Variants in EPHB3 observed in about 807,000 individuals in gnomAD.
EPHB3 encodes the protein ephrin type-B receptor 3.
A neutral mutation model predicts 100.2 loss-of-function variants in EPHB3; 33 were observed. The observed-to-expected ratio is 0.33, with a 90% CI of 0.25 to 0.44. EPHB3 has a LOEUF of 0.44. Among genes scored for constraint, EPHB3 ranks in the 20% least tolerant of loss-of-function variants. EPHB3 has a pLI of 1.00. For missense variants in EPHB3, 1,045 were observed against 1,378.3 expected (o/e 0.76, Z 3.83); for synonymous variants, 526 against 554.7 (o/e 0.95, Z 0.73).
Position 184,573,267 on chromosome 3 carries a change from G to GT in EPHB3, c.856+91_856+92insT, listed in dbSNP as rs376325299. 4.6e-6 allele frequency: 7 copies of GT among 1,526,830 alleles called. No homozygotes were observed. The highest frequency in any genetic ancestry group is 6.2e-6 in the Non-Finnish European group (7 of 1,131,056). 94.6% of individuals were successfully genotyped at this position (1,526,830 alleles called of 1,614,324 possible). A position where few individuals can be genotyped will look rare whatever the true frequency, so the allele number is the denominator to read the frequency against. On this transcript the variant is annotated intron_variant, in intron 3 of 15. Transcript: ENST00000330394. The surrounding 1 kb of genome is among the most constrained non-coding windows in gnomAD (Gnocchi z 4.5). ...CGCCCCCCACCCCTGCTTGCTATCT[G>GT]ACTAGGAGGTCTGGGAGCAGGTCCA...
chr3:184,579,384 C>T lies in EPHB3; in HGVS notation c.1802-93C>T. 6.4e-7 allele frequency: 1 copy of T among 1,553,166 alleles called. No homozygotes were observed. The highest frequency in any genetic ancestry group is 1.2e-5 in the South Asian group (1 of 81,656). On this transcript the variant is annotated intron_variant, in intron 9 of 15. Coordinates refer to ENST00000330394, the MANE Select transcript of EPHB3 (RefSeq NM_004443.4). This position sits in a 1 kb window ranked among gnomAD's most constrained non-coding sequence, Gnocchi z 5.2. ...GGCAGCAACACAGAGGAATATGGGG[C>T]TGGGCTCAGCAGGGAGCCTGCTGGA...
At position 184,578,181 on chromosome 3, in the gene EPHB3, C is replaced by T. The variant is rs1714729633; in HGVS notation, c.1748+175C>T. 1.1e-6 allele frequency: 1 copy of T among 870,010 alleles called. No individual in the cohort carries two copies. Among genetic ancestry groups the T allele is most frequent in the East Asian group, 2.7e-5 (1 of 37,468 alleles). 53.9% of individuals were successfully genotyped at this position (870,010 alleles called of 1,614,324 possible). A position where few individuals can be genotyped will look rare whatever the true frequency, so the allele number is the denominator to read the frequency against. On this transcript the variant is annotated intron_variant, in intron 8 of 15. Transcript: ENST00000330394. This position sits in a 1 kb window ranked among gnomAD's most constrained non-coding sequence, Gnocchi z 4.7. ...CTCCCATCCCTGCCTGTGTCTTCAT[C>T]CCGCCCTTTCTCCATACCCCATTCC...
Position 184,571,486 on chromosome 3 carries a change from C to T in EPHB3, c.183+104C>T. 2.7e-6 allele frequency: 3 copies of T among 1,128,630 alleles called. No individual in the cohort carries two copies. The highest frequency in any genetic ancestry group is 4.0e-6 in the Non-Finnish European group (3 of 758,872). The allele number at this position is 1,128,630 out of a possible 1,614,324, so 69.9% of individuals were successfully genotyped here. A position where few individuals can be genotyped will look rare whatever the true frequency, so the allele number is the denominator to read the frequency against. ...CTCACCAGGGCCTGGAGGAGGGCTG[C>T]CTCTGCCCTCTGCCTGTCACCCTCA... On this transcript the variant is annotated intron_variant, in intron 2 of 15. Coordinates refer to ENST00000330394, the MANE Select transcript of EPHB3 (RefSeq NM_004443.4). The surrounding 1 kb of genome is among the most constrained non-coding windows in gnomAD (Gnocchi z 5.0).
intron 12 of EPHB3, 34 bp downstream of exon 12, chr3:184,580,651 G>A (rs1413549642): frequency 8.7e-6 from 14 of 1,609,886 alleles, no homozygotes; most frequent in Admixed American, 3.3e-5. Flanking sequence ...GACTGGGGGC[G>A]GGGCCTATCA....
At position 184,573,716 on chromosome 3, in the gene EPHB3, C is replaced by CTTTT. The variant is rs67295730; in HGVS notation, c.856+555_856+558dup. On this transcript the variant is annotated intron_variant, in intron 3 of 15. Transcript: ENST00000330394. This position sits in a 1 kb window ranked among gnomAD's most constrained non-coding sequence, Gnocchi z 4.5. ...CACTTACGTGACCTTGGGCAAGTTA[C>CTTTT]TTTTTTTTTTTTTTTTTTGAGATGG... Among the ~76,000 whole-genome samples the CTTTT allele has an allele frequency of 2.9e-5, 4 of 138,578 alleles. No homozygotes were observed. Among genetic ancestry groups the CTTTT allele is most frequent in the Admixed American group, 7.3e-5 (1 of 13,782 alleles). The allele number at this position is 138,578 out of a possible 152,430, so 90.9% of individuals were successfully genotyped here.
chr3:184,572,997 T>G lies in EPHB3; in HGVS notation c.677T>G (p.Leu226Arg), dbSNP rs776024993. Residue 226 changes from leucine (L) to arginine (R), a missense_variant, in exon 3 of 16, where the codon CTC (leucine) becomes CGC (arginine). Physicochemically the swap from Leu to Arg is moderately radical, Grantham distance 102. Around this residue, in one of 2 missense-constraint regions of EPHB3, gnomAD observed 985 missense variants for 1,331.1 expected, o/e 0.74. Coordinates refer to ENST00000330394, the MANE Select transcript of EPHB3 (RefSeq NM_004443.4). This position sits in a 1 kb window ranked among gnomAD's most constrained non-coding sequence, Gnocchi z 6.6. ...GGCTTCGCACTCTTCCCCGAGACCCTCACTGGGGCGGAGCCCACCTCGCTG... is the reference window on the plus strand; with the variant it reads ...GGCTTCGCACTCTTCCCCGAGACCCGCACTGGGGCGGAGCCCACCTCGCTG... Reference protein sequence around the residue: ...TAGFALFPETLTGAEPTSLVI... With the variant: ...TAGFALFPETRTGAEPTSLVI... 4 of 1,610,430 alleles carry G rather than the reference T, an allele frequency of 2.5e-6. No individual in the cohort carries two copies. In the South Asian group the frequency reaches 4.4e-5, roughly 18 times the overall value.
At position 184,579,427 on chromosome 3, in the gene EPHB3, G is replaced by A. The variant is rs973805355; in HGVS notation, c.1802-50G>A. On this transcript the variant is annotated intron_variant, in intron 9 of 15. Transcript: ENST00000330394. The surrounding 1 kb of genome is among the most constrained non-coding windows in gnomAD (Gnocchi z 5.2). ...CTGCTGGAGCTGTGCCCATCGCAGGGAGAGGCTGGCTTGACGTTACCCTCT... is the reference window on the plus strand; with the variant it reads ...CTGCTGGAGCTGTGCCCATCGCAGGAAGAGGCTGGCTTGACGTTACCCTCT... 2 of 1,598,120 alleles carry A rather than the reference G, an allele frequency of 1.3e-6. No homozygotes were observed. The highest frequency in any genetic ancestry group is 2.2e-5 in the East Asian group (1 of 44,488).
chr3:184,579,964 C>G lies in EPHB3; in HGVS notation c.2172+30C>G. 1 of 1,599,966 alleles carries G rather than the reference C, an allele frequency of 6.3e-7. No homozygotes were observed. Among genetic ancestry groups the G allele is most frequent in the African/African-American group, 1.3e-5 (1 of 74,626 alleles). On this transcript the variant is annotated intron_variant, in intron 11 of 15. Transcript: ENST00000330394. The surrounding 1 kb of genome is among the most constrained non-coding windows in gnomAD (Gnocchi z 5.2). ...GAGCCAGCCCCCAGGCCCTCTCCCT[C>G]CCCCAGAGAGTTGGATTGGGCTCAC...
chr3:184,581,255 T>G lies in EPHB3; in HGVS notation c.2735T>G (p.Met912Arg). The change falls in exon 15 of 16, where the codon ATG (methionine) becomes AGG (arginine). Residue 912 changes from methionine to arginine, a missense_variant and splice_region_variant. By Grantham distance (91) the Met-to-Arg change is moderately conservative (BLOSUM62 -1). This residue lies in a region of EPHB3 where 985 missense variants were observed against 1,331.1 expected (regional missense o/e 0.74). Transcript: ENST00000330394. ...LKVIASAQSG[M>R]SQPLLDRTVP... ...AGGTCCTTCTCTTCTTCCCACAGCA[T>G]GTCACAGCCCCTCCTGGACCGCACG... is the stretch of plus-strand genomic sequence containing the variant. The G allele has an allele frequency of 6.3e-7, 1 of 1,596,578 alleles. No homozygotes were observed. The highest frequency in any genetic ancestry group is 8.5e-7 in the Non-Finnish European group (1 of 1,169,878).
chr3:184,579,956 C>T lies in EPHB3; in HGVS notation c.2172+22C>T, dbSNP rs1278732010. The T allele has an allele frequency of 3.7e-6, 6 of 1,605,500 alleles. No individual in the cohort carries two copies. The highest frequency in any genetic ancestry group is 1.7e-5 in the Admixed American group (1 of 59,322). ...CCGGGTAAGAGCCAGCCCCCAGGCC[C>T]TCTCCCTCCCCCAGAGAGTTGGATT... On this transcript the variant is annotated intron_variant, in intron 11 of 15. Coordinates refer to ENST00000330394, the MANE Select transcript of EPHB3 (RefSeq NM_004443.4). This position sits in a 1 kb window ranked among gnomAD's most constrained non-coding sequence, Gnocchi z 5.2.
Position 184,578,605 on chromosome 3 carries a change from C to A in EPHB3, c.1801+139C>A. On this transcript the variant is annotated intron_variant, in intron 9 of 15. Transcript: ENST00000330394. The surrounding 1 kb of genome is among the most constrained non-coding windows in gnomAD (Gnocchi z 4.7). The stretch of plus-strand genomic sequence containing the variant: ...TCCCACTTCCAGTCAAGTGGCATTT[C>A]CTGACCCCTATCTCACTCCGGGTAC... The A allele has an allele frequency of 8.9e-7, 1 of 1,127,674 alleles. No homozygotes were observed. Among genetic ancestry groups the A allele is most frequent in the Non-Finnish European group, 1.3e-6 (1 of 782,650 alleles). The allele number at this position is 1,127,674 out of a possible 1,614,324, so 69.9% of individuals were successfully genotyped here.
In EPHB3 at chr3:184,573,682, G is replaced by A. The variant is rs1414939974; in HGVS notation, c.856+506G>A. 1.3e-5 allele frequency among the ~76,000 whole-genome samples: 2 copies of A among 150,996 alleles called. No individual in the cohort carries two copies. Among genetic ancestry groups the A allele is most frequent in the Non-Finnish European group, 2.9e-5 (2 of 67,896 alleles). ...GTCCCTGAAGTTGAGTCCTGACTCT[G>A]TCACTTACCACTTACGTGACCTTGG... On this transcript the variant is annotated intron_variant, in intron 3 of 15. Transcript: ENST00000330394. This position sits in a 1 kb window ranked among gnomAD's most constrained non-coding sequence, Gnocchi z 4.5.
chr3:184,576,703 T>G, intron 4 of EPHB3, 139 bp from the exon 5 acceptor site: 1 of 780,806 alleles, frequency 1.3e-6, no homozygotes, highest in Admixed American at 3.4e-5. Context: ...GGTGAAGAAA[T>G]GTAGGAACGT....
rs556097482 is a variant in EPHB3 at position 184,563,986 on chromosome 3, C to T, written c.118+1633C>T. Reference sequence around the variant, plus strand: ...GGTGCACAGGGGCTACCTGAGGAGGCTCACTTCTCCCTCCCCCCTTCCCTT... The same window carrying T: ...GGTGCACAGGGGCTACCTGAGGAGGTTCACTTCTCCCTCCCCCCTTCCCTT... On this transcript the variant is annotated intron_variant, in intron 1 of 15. Transcript: ENST00000330394. The surrounding 1 kb of genome is among the most constrained non-coding windows in gnomAD (Gnocchi z 4.1). Among the ~76,000 whole-genome samples the T allele has an allele frequency of 6.6e-6, 1 of 152,260 alleles. No individual in the cohort carries two copies. Among genetic ancestry groups the T allele is most frequent in the African/African-American group, 2.4e-5 (1 of 41,552 alleles).
chr3:184,577,150 T>G lies in EPHB3; in HGVS notation c.1321T>G (p.Tyr441Asp). ...GGGCAAGAGCCCTCTGCCGCCTCGT[T>G]ATGCGGCCGTGAATATCACCACAAA... ...VSGKSPLPPRYAAVNITTNQA... is the reference protein window; with the variant it reads ...VSGKSPLPPRDAAVNITTNQA... Residue 441 changes from tyrosine to aspartate, a missense_variant, in exon 5 of 16, where the codon TAT becomes GAT. Coordinates refer to ENST00000330394, the MANE Select transcript of EPHB3 (RefSeq NM_004443.4). This position sits in a 1 kb window ranked among gnomAD's most constrained non-coding sequence, Gnocchi z 4.9. 1 of 1,607,812 alleles carries G rather than the reference T, an allele frequency of 6.2e-7. No individual in the cohort carries two copies. Among genetic ancestry groups the G allele is most frequent in the Non-Finnish European group, 8.5e-7 (1 of 1,175,924 alleles).
chr3:184,573,497 C>T lies in EPHB3; in HGVS notation c.856+321C>T, dbSNP rs988858046. On this transcript the variant is annotated intron_variant, in intron 3 of 15. Coordinates refer to ENST00000330394, the MANE Select transcript of EPHB3 (RefSeq NM_004443.4). This position sits in a 1 kb window ranked among gnomAD's most constrained non-coding sequence, Gnocchi z 4.5. ...AGCTTAGGAGGCTGGCAGAGATGCT[C>T]GCTTTGTCCCGGCCTGAGTGTATGC... Among the ~76,000 whole-genome samples, 21 of 152,294 alleles carry T rather than the reference C, an allele frequency of 1.4e-4. No homozygotes were observed. Among genetic ancestry groups the T allele is most frequent in the African/African-American group, 3.1e-4 (13 of 41,566 alleles).
chr3:184,571,807 C>T lies in EPHB3; in HGVS notation c.183+425C>T, dbSNP rs772032950. Among the ~76,000 whole-genome samples, 5 of 152,138 alleles carry T rather than the reference C, an allele frequency of 3.3e-5. No individual in the cohort carries two copies. Among genetic ancestry groups the T allele is most frequent in the South Asian group, 2.1e-4 (1 of 4,832 alleles). ...GGCCACTTCTTGACTGTTAAATTCC[C>T]GCAGTCCGGACCTCTCTCACATATT... On this transcript the variant is annotated intron_variant, in intron 2 of 15. Coordinates refer to ENST00000330394, the MANE Select transcript of EPHB3 (RefSeq NM_004443.4). The surrounding 1 kb of genome is among the most constrained non-coding windows in gnomAD (Gnocchi z 5.0).
In EPHB3 at chr3:184,577,983, G is replaced by T. The variant is rs954108479; in HGVS notation, c.1725G>T (p.Val575=). ...TAGLVFVVAV[V]VIAIVCLRKQ... ...GGCTTGTCTTCGTGGTGGCTGTCGT[G>T]GTCATCGCTATCGTCTGCCTCAGGT... The change falls in exon 8 of 16, where the codon GTG becomes GTT. Residue 575 remains valine (V), a synonymous_variant. Coordinates refer to ENST00000330394, the MANE Select transcript of EPHB3 (RefSeq NM_004443.4). The surrounding 1 kb of genome is among the most constrained non-coding windows in gnomAD (Gnocchi z 4.9). The T allele has an allele frequency of 6.2e-7, 1 of 1,613,848 alleles. No homozygotes were observed. Among genetic ancestry groups the T allele is most frequent in the African/African-American group, 1.3e-5 (1 of 74,892 alleles).
At chr3:184,580,920 G>A (rs1457657010) in intron 13 of EPHB3, 42 bp downstream of exon 13, 3 of 1,608,024 alleles carry the variant, frequency 1.9e-6, no homozygotes, top group East Asian at 4.5e-5. Context: ...GGTGGGTGCT[G>A]GCTGGGGATC....
Sources: allele counts gnomAD v4.1 joint callset (sites outside exome capture counted in the v4.1 genomes callset), GRCh38; gene constraint gnomAD v4.1.1; regional missense constraint gnomAD v4.1.1; non-coding constraint Gnocchi (gnomAD v3.1); transcripts MANE v1.5; gene names NCBI Gene and HGNC (gene_info 2026-07-23, HGNC 2026-07-21).